Variants in RALYL observed in about 807,000 individuals in gnomAD.
RALYL encodes the protein RNA-binding Raly-like protein.
A neutral mutation model predicts 35.1 loss-of-function variants in RALYL; 29 were observed. The observed-to-expected ratio is 0.83, with a 90% CI of 0.61 to 1.13. The LOEUF (loss-of-function observed/expected upper bound fraction) is 1.13. Ranked by LOEUF, RALYL falls within the 50% of genes most tolerant of loss-of-function variation. RALYL has a pLI of 0.00. For synonymous variants in RALYL, 120 were observed against 127.6 expected (o/e 0.94, Z 0.40); for missense variants, 359 against 360.4 (o/e 1.00, Z 0.03).
intron 7 of RALYL, among the ~76,000 whole-genome samples, chr8:84,877,809 A>G (rs1841454906): frequency 6.6e-6 from 1 of 152,132 alleles, no homozygotes; most frequent in African/African-American, 2.4e-5. Flanking sequence ...GTTGCTCCAG[A>G]TATGATCTGA....
intron 1 of RALYL, among the ~76,000 whole-genome samples, chr8:84,395,523 A>T (rs1257962760): frequency 6.6e-6 from 1 of 151,886 alleles, no homozygotes; most frequent in African/African-American, 2.4e-5. Context: ...TCTGTAAATG[A>T]TGTAATCCGC....
chr8:84,820,248 G>A (rs1417754050), intron 4 of RALYL, among the ~76,000 whole-genome samples: 1 of 152,138 alleles, frequency 6.6e-6, no homozygotes, highest in Non-Finnish European at 1.5e-5. Flanking sequence ...CAAGTCTTAT[G>A]AGAAACCCTT....
intron 2 of RALYL, among the ~76,000 whole-genome samples, chr8:84,715,477 TA>T (rs576271781): frequency 7.8e-4 from 119 of 152,080 alleles, no homozygotes; most frequent in Middle Eastern, 3.5e-3. Flanking sequence ...AAATTAACTT[TA>T]AAAAGCAAAA....
At chr8:84,454,819 C>T (rs2049950009) in intron 1 of RALYL, among the ~76,000 whole-genome samples, 1 of 152,030 alleles carries the variant, frequency 6.6e-6, no homozygotes. Context: ...CTGTTCCCAA[C>T]ACAGTGCAAG....
intron 2 of RALYL, among the ~76,000 whole-genome samples, chr8:84,689,530 A>G (rs528552165): frequency 6.6e-6 from 1 of 152,248 alleles, no homozygotes; most frequent in South Asian, 2.1e-4. Context: ...TAGTGCCGCA[A>G]TAAACATACG....
chr8:84,920,823 A>C, intron 8 of RALYL, 71 bp from the exon 9 acceptor site: 1 of 550,716 alleles, frequency 1.8e-6, no homozygotes, highest in Non-Finnish European at 3.1e-6. Context: ...TAACTTACAT[A>C]TCAGTATACG....
At position 84,887,598 on chromosome 8, in the gene RALYL, C is replaced by CT; in HGVS notation, c.686-6_686-5insT. 6.2e-7 allele frequency: 1 copy of CT among 1,601,890 alleles called. No homozygotes were observed. Among genetic ancestry groups the CT allele is most frequent in the South Asian group, 1.1e-5 (1 of 89,200 alleles). On this transcript the variant is annotated splice_region_variant and splice_polypyrimidine_tract_variant and intron_variant, in intron 7 of 8. Transcript: ENST00000521268. The stretch of plus-strand genomic sequence containing the variant: ...GTAGTAGTCATTTGCTTTCTCCCCC[C>CT]CCCAGAAGCTCAGAAGAAGCAATTG...
chr8:84,606,438 G>A (rs187289088), intron 2 of RALYL, among the ~76,000 whole-genome samples: 1 of 152,196 alleles, frequency 6.6e-6, no homozygotes, highest in East Asian at 1.9e-4. Context: ...GACACTGTCG[G>A]TACTTTTTTA....
chr8:84,598,851 T>G (rs1815227771), intron 2 of RALYL, among the ~76,000 whole-genome samples: 1 of 152,166 alleles, frequency 6.6e-6, no homozygotes, highest in South Asian at 2.1e-4. Flanking sequence ...AGCTGGATCA[T>G]ATGGTATTTC....
At chr8:84,706,572 G>T (rs1480166736) in intron 2 of RALYL, among the ~76,000 whole-genome samples, 6 of 152,188 alleles carry the variant, frequency 3.9e-5, no homozygotes, top group Non-Finnish European at 5.9e-5. Flanking sequence ...AAACTTCTTG[G>T]TCCAGAGCAT....
intron 2 of RALYL, among the ~76,000 whole-genome samples, chr8:84,730,857 T>C (rs1846042307): frequency 6.6e-6 from 1 of 151,984 alleles, no homozygotes; most frequent in South Asian, 2.1e-4. Flanking sequence ...TGATACTTGA[T>C]GATGGGAATG....
chr8:84,890,442 T>C (rs577444559), intron 8 of RALYL, among the ~76,000 whole-genome samples: 9 of 152,202 alleles, frequency 5.9e-5, no homozygotes, highest in Admixed American at 5.9e-4. Flanking sequence ...AGATTACTAA[T>C]TTAAAAAACA....
chr8:84,251,507 C>G (rs1340173099), intron 1 of RALYL, among the ~76,000 whole-genome samples: 2 of 151,872 alleles, frequency 1.3e-5, no homozygotes, highest in Non-Finnish European at 2.9e-5. Context: ...CAAGTTCTAT[C>G]TAATTTTAGA....
chr8:84,665,315 A>T (rs1263100727), intron 2 of RALYL, among the ~76,000 whole-genome samples: 1 of 152,024 alleles, frequency 6.6e-6, no homozygotes, highest in Non-Finnish European at 1.5e-5. Context: ...TTTTTTAATC[A>T]GGATGATTCT....
intron 1 of RALYL, among the ~76,000 whole-genome samples, chr8:84,469,773 G>A (rs1171382582): frequency 6.6e-6 from 1 of 152,154 alleles, no homozygotes; most frequent in Non-Finnish European, 1.5e-5. Context: ...TCAGACTGCT[G>A]TGCTAGCAAT....
At chr8:84,530,571 A>G (rs1014380509) in intron 2 of RALYL, among the ~76,000 whole-genome samples, 10 of 151,922 alleles carry the variant, frequency 6.6e-5, no homozygotes, top group Non-Finnish European at 1.5e-4. Flanking sequence ...TCCAAACCCA[A>G]TCTCCTTTTA....
At chr8:84,220,928 A>T (rs1026392106) in intron 1 of RALYL, among the ~76,000 whole-genome samples, 1 of 152,000 alleles carries the variant, frequency 6.6e-6, no homozygotes, top group Non-Finnish European at 1.5e-5. Context: ...AAATCATTAA[A>T]AAATTTTTAC....
intron 4 of RALYL, among the ~76,000 whole-genome samples, chr8:84,825,795 GA>G (rs1487571715): frequency 3.9e-5 from 6 of 152,122 alleles, no homozygotes; most frequent in African/African-American, 1.4e-4. Flanking sequence ...TTGAACCCAG[GA>G]AGCAGAGGTT....
chr8:84,823,824 C>T (rs748633194), intron 4 of RALYL, among the ~76,000 whole-genome samples: 1 of 151,804 alleles, frequency 6.6e-6, no homozygotes, highest in Non-Finnish European at 1.5e-5. Context: ...ATTTTTTCTT[C>T]ATTTAAAAAA....
Sources: gnomAD v4.1 joint callset for allele counts (sites outside exome capture counted in the v4.1 genomes callset) on GRCh38, gnomAD v4.1.1 for gene constraint, MANE v1.5 for transcripts, NCBI Gene and HGNC (gene_info 2026-07-23, HGNC 2026-07-21) for gene names.